Variants in SRD5A1 observed in about 807,000 individuals in gnomAD.
SRD5A1 encodes the protein steroid 5 alpha-reductase 1.
SRD5A1 carries 22 observed loss-of-function variants against 28.2 expected under a neutral mutation model. The observed-to-expected ratio is 0.78, with a 90% CI of 0.56 to 1.12. The LOEUF is 1.12. Among genes scored for constraint, SRD5A1 ranks in the 50% most tolerant of loss-of-function variants. The probability of loss-of-function intolerance (pLI) is 0.00; values close to 1 mark genes in which losing one functional copy is unlikely to be tolerated. For missense variants in SRD5A1, 300 were observed against 346.7 expected (o/e 0.87, Z 1.07); for synonymous variants, 151 against 135.0 (o/e 1.12, Z -0.82).
In SRD5A1 at chr5:6,633,533, C is replaced by T; in HGVS notation, c.-44C>T. 1 of 1,429,170 alleles carries T rather than the reference C, an allele frequency of 7.0e-7. No individual in the cohort carries two copies. Among genetic ancestry groups the T allele is most frequent in the Non-Finnish European group, 9.1e-7 (1 of 1,100,388 alleles). The allele number at this position is 1,429,170 out of a possible 1,614,324, so 88.5% of individuals were successfully genotyped here. A position where few individuals can be genotyped will look rare whatever the true frequency, so the allele number is the denominator to read the frequency against. On this transcript the variant is annotated 5_prime_UTR_variant, in exon 1 of 5. Coordinates refer to ENST00000274192, the MANE Select transcript of SRD5A1 (RefSeq NM_001047.4). ...CCGCGCCGCCGCCCTATATGTTGCCCGCCGCGGCCTCTGGGGCATGGAGCA... is the reference window on the plus strand; with the variant it reads ...CCGCGCCGCCGCCCTATATGTTGCCTGCCGCGGCCTCTGGGGCATGGAGCA...
chr5:6,662,640 T>C (rs1739042970), intron 3 of SRD5A1, among the ~76,000 whole-genome samples, 176 bp from the exon 4 acceptor site: 1 of 152,224 alleles, frequency 6.6e-6, no homozygotes, highest in South Asian at 2.1e-4. Flanking sequence ...TCAGAAGTTG[T>C]GATATGAATT....
In SRD5A1 at chr5:6,633,570, C is replaced by A; in HGVS notation, c.-7C>A. On this transcript the variant is annotated 5_prime_UTR_variant, in exon 1 of 5. Transcript: ENST00000274192. ...TGGGGCATGGAGCACGCTGCCCAGC[C>A]CTGGCGATGGCAACGGCGACGGGGG... is the stretch of plus-strand genomic sequence containing the variant. 1 of 1,515,758 alleles carries A rather than the reference C, an allele frequency of 6.6e-7. No homozygotes were observed. Among genetic ancestry groups the A allele is most frequent in the Admixed American group, 2.0e-5 (1 of 49,198 alleles). The allele number at this position is 1,515,758 out of a possible 1,614,324, so 93.9% of individuals were successfully genotyped here.
intron 1 of SRD5A1, chr5:6,644,763 G>A (rs1279923409): frequency 2.4e-6 from 1 of 412,154 alleles, no homozygotes; most frequent in East Asian, 7.1e-5. Flanking sequence ...AGTCCAAGAA[G>A]CCCACACGTA....
intron 4 of SRD5A1, among the ~76,000 whole-genome samples, chr5:6,666,403 C>T (rs1243955369): frequency 6.6e-6 from 1 of 152,192 alleles, no homozygotes; most frequent in Non-Finnish European, 1.5e-5. Context: ...CCGCCTCAGC[C>T]TCCCAAAGCA....
chr5:6,666,063 T>C lies in SRD5A1; in HGVS notation c.714-2139T>C, dbSNP rs552772897. 3.9e-5 allele frequency among the ~76,000 whole-genome samples: 6 copies of C among 152,222 alleles called. No individual in the cohort carries two copies. In the East Asian group the frequency reaches 1.2e-3, roughly 29 times the overall value. On this transcript the variant is annotated intron_variant, in intron 4 of 4. Transcript: ENST00000274192. ...AATAAAAACTCCTTTTTAAAAAATATTTTCATAAACCCAACTAATTAAGCC... is the reference window on the plus strand; with the variant it reads ...AATAAAAACTCCTTTTTAAAAAATACTTTCATAAACCCAACTAATTAAGCC...
intron 3 of SRD5A1, among the ~76,000 whole-genome samples, chr5:6,661,835 AT>A (rs1338090725): frequency 3.3e-5 from 5 of 151,560 alleles, no homozygotes; most frequent in African/African-American, 9.7e-5. Flanking sequence ...GCCCAGCCTA[AT>A]TTTTTTTTAA....
At chr5:6,641,270 CCTT>C (rs1224381152) in intron 1 of SRD5A1, among the ~76,000 whole-genome samples, 1 of 152,204 alleles carries the variant, frequency 6.6e-6, no homozygotes, top group African/African-American at 2.4e-5. Context: ...TGCCCAGACA[CCTT>C]CTTCCCGACC....
chr5:6,649,312 T>C (rs1387706685), intron 1 of SRD5A1, among the ~76,000 whole-genome samples: 7 of 152,220 alleles, frequency 4.6e-5, no homozygotes, highest in Non-Finnish European at 8.8e-5. Flanking sequence ...CTGCTGAAGC[T>C]GCGCCCAGAG....
Position 6,671,247 on chromosome 5 carries a change from C to T in SRD5A1, c.*2979C>T, listed in dbSNP as rs1739351146. 6.6e-6 allele frequency: 1 copy of T among 152,142 alleles called. No individual in the cohort carries two copies. Among genetic ancestry groups the T allele is most frequent in the Non-Finnish European group, 1.5e-5 (1 of 68,040 alleles). 9.4% of individuals were successfully genotyped at this position (152,142 alleles called of 1,614,324 possible). Reference sequence around the variant, plus strand: ...CACTGTAGTTTTTATTTGCATTTCCCTGATCATTAGTGATGTTGAGCATTT... The same window carrying T: ...CACTGTAGTTTTTATTTGCATTTCCTTGATCATTAGTGATGTTGAGCATTT... On this transcript the variant is annotated 3_prime_UTR_variant, in exon 5 of 5. Coordinates refer to ENST00000274192, the MANE Select transcript of SRD5A1 (RefSeq NM_001047.4).
At chr5:6,644,978 A>C (rs1443885250) in intron 1 of SRD5A1, 3 of 455,796 alleles carry the variant, frequency 6.6e-6, no homozygotes, top group Non-Finnish European at 1.3e-5. Flanking sequence ...GAGAATACCC[A>C]CCTCACTGAT....
Position 6,633,858 on chromosome 5 carries a change from C to T in SRD5A1, c.282C>T (p.His94=). 1 of 1,597,132 alleles carries T rather than the reference C, an allele frequency of 6.3e-7. No homozygotes were observed. The highest frequency in any genetic ancestry group is 8.5e-7 in the Non-Finnish European group (1 of 1,179,404). ...TCCTCCTGGCCATGTTCCTCGTCCA[C>T]TACGGGCATCGGTAACGTCCCCGGC... The part of the protein sequence containing the change: ...NCILLAMFLV[H]YGHRCLIYPF... Residue 94 remains histidine, a synonymous_variant, in exon 1 of 5, where the codon CAC becomes CAT. Transcript: ENST00000274192.
At chr5:6,637,355 T>TA (rs201919839) in intron 1 of SRD5A1, among the ~76,000 whole-genome samples, 1,981 of 152,270 alleles carry the variant, frequency 0.013, 44 homozygotes, top group African/African-American at 0.045. Flanking sequence ...GTCCTCATCA[T>TA]CTGTGTTGGT....
chr5:6,650,950 C>T lies in SRD5A1; in HGVS notation c.294-892C>T, dbSNP rs143113951. Among the ~76,000 whole-genome samples the T allele has an allele frequency of 2.0e-3, 297 of 151,936 alleles. 5 individuals are homozygous for T. The highest frequency in any genetic ancestry group is 6.8e-3 in the African/African-American group (282 of 41,400). ...AGAATGAACATGATCTTTCAATTGC[C>T]CCGATTTACATTTAAGCTCAGCCAC... On this transcript the variant is annotated intron_variant, in intron 1 of 4. Coordinates refer to ENST00000274192, the MANE Select transcript of SRD5A1 (RefSeq NM_001047.4).
At chr5:6,639,777 G>A (rs887510500) in intron 1 of SRD5A1, among the ~76,000 whole-genome samples, 12 of 152,138 alleles carry the variant, frequency 7.9e-5, no homozygotes, top group Non-Finnish European at 1.8e-4. Context: ...TGTCAATATT[G>A]TATGTGAACA....
At chr5:6,666,338 C>T (rs1468461413) in intron 4 of SRD5A1, among the ~76,000 whole-genome samples, 1 of 152,038 alleles carries the variant, frequency 6.6e-6, no homozygotes, top group East Asian at 1.9e-4. Flanking sequence ...TTAGTAGAGA[C>T]GGGGTTTCAC....
intron 3 of SRD5A1, among the ~76,000 whole-genome samples, chr5:6,660,648 A>G (rs1738973383): frequency 6.6e-6 from 1 of 152,216 alleles, no homozygotes; most frequent in Non-Finnish European, 1.5e-5. Context: ...ATGCCCACAC[A>G]TGGCGAATGA....
At chr5:6,657,400 C>A (rs1738864951) in intron 3 of SRD5A1, among the ~76,000 whole-genome samples, 1 of 152,228 alleles carries the variant, frequency 6.6e-6, no homozygotes, top group African/African-American at 2.4e-5. Flanking sequence ...GGGGTCATCC[C>A]AAGGAGCCGC....
chr5:6,633,565 C>T lies in SRD5A1; in HGVS notation c.-12C>T. On this transcript the variant is annotated 5_prime_UTR_variant, in exon 1 of 5. Coordinates refer to ENST00000274192, the MANE Select transcript of SRD5A1 (RefSeq NM_001047.4). ...GCCTCTGGGGCATGGAGCACGCTGC[C>T]CAGCCCTGGCGATGGCAACGGCGAC... The T allele has an allele frequency of 6.6e-7, 1 of 1,510,232 alleles. No homozygotes were observed. Among genetic ancestry groups the T allele is most frequent in the Non-Finnish European group, 8.8e-7 (1 of 1,136,946 alleles). The allele number at this position is 1,510,232 out of a possible 1,614,324, so 93.6% of individuals were successfully genotyped here.
chr5:6,634,594 C>T (rs898077100), intron 1 of SRD5A1, among the ~76,000 whole-genome samples: 1 of 152,306 alleles, frequency 6.6e-6, no homozygotes, highest in Non-Finnish European at 1.5e-5. Context: ...AACTGCCTAG[C>T]AGTTTCTCCT....
Sources: gnomAD v4.1 joint callset for allele counts (sites outside exome capture counted in the v4.1 genomes callset) on GRCh38, gnomAD v4.1.1 for gene constraint, MANE v1.5 for transcripts, NCBI Gene and HGNC (gene_info 2026-07-23, HGNC 2026-07-21) for gene names.